The following NELL1 variants were observed in gnomAD, a reference collection of about 807,000 sequenced individuals.
NELL1 encodes the protein neural EGFL like 1.
NELL1 carries 76 observed loss-of-function variants against 107.4 expected under a neutral mutation model. The ratio of observed to expected loss-of-function variants is 0.71; its 90% CI spans 0.59 to 0.86. The LOEUF is 0.86. NELL1 is among the 40% of genes least tolerant of loss of function. NELL1 has a pLI of 0.00. For synonymous variants in NELL1, 353 were observed against 341.2 expected (o/e 1.03, Z -0.38); for missense variants, 1,024 against 1,005.5 (o/e 1.02, Z -0.25).
At chr11:20,781,280 G>C (rs927895669) in intron 2 of NELL1, among the ~76,000 whole-genome samples, 1 of 152,198 alleles carries the variant, frequency 6.6e-6, no homozygotes, top group Admixed American at 6.5e-5. Flanking sequence ...GGGTGTGACC[G>C]TTTACTAAGA....
At chr11:21,332,028 G>C (rs1050336102) in intron 14 of NELL1, among the ~76,000 whole-genome samples, 2 of 147,548 alleles carry the variant, frequency 1.4e-5, no homozygotes, top group Admixed American at 6.6e-5. Flanking sequence ...CTAGGGCTCA[G>C]TTAGTTCTAG....
At chr11:21,559,057 T>C (rs1188280275) in intron 16 of NELL1, among the ~76,000 whole-genome samples, 4 of 152,116 alleles carry the variant, frequency 2.6e-5, no homozygotes, top group Admixed American at 2.0e-4. Flanking sequence ...TAATGAAATG[T>C]CTTGACTAAA....
intron 15 of NELL1, among the ~76,000 whole-genome samples, chr11:21,514,672 A>G (rs533834123): frequency 6.8e-6 from 1 of 147,796 alleles, no homozygotes; most frequent in South Asian, 2.1e-4. Flanking sequence ...TGCCAAACGA[A>G]ATCACACAAT....
Position 21,399,298 on chromosome 11 carries a change from T to A in NELL1, c.1645+28350T>A, listed in dbSNP as rs182977286. On this transcript the variant is annotated intron_variant, in intron 15 of 19. Coordinates refer to ENST00000357134, the MANE Select transcript of NELL1 (RefSeq NM_006157.5). ...TCATTACTAGTATCTAGGCATTTTG[T>A]CAAGTTGTGTCGGTGGTTGACAATC... Among the ~76,000 whole-genome samples, 45 of 151,900 alleles carry A rather than the reference T, an allele frequency of 3.0e-4. No homozygotes were observed. In the East Asian group the frequency reaches 8.6e-3, roughly 29 times the overall value.
At chr11:20,714,364 C>A (rs551238995) in intron 2 of NELL1, among the ~76,000 whole-genome samples, 1 of 15,440 alleles carries the variant, frequency 6.5e-5, no homozygotes, top group African/African-American at 8.8e-5. Context: ...CCACCACGCC[C>A]GGCATTTTTT....
chr11:21,319,518 T>A (rs866744462), intron 14 of NELL1, among the ~76,000 whole-genome samples: 9 of 112,910 alleles, frequency 8.0e-5, no homozygotes, highest in East Asian at 2.9e-4. Context: ...ATATATATAT[T>A]TTTAGTAGAG....
intron 14 of NELL1, among the ~76,000 whole-genome samples, chr11:21,249,785 G>A (rs1305404959): frequency 6.6e-6 from 1 of 152,056 alleles, no homozygotes; most frequent in African/African-American, 2.4e-5. Flanking sequence ...TCACAGTAGA[G>A]GCCCAATTTT....
intron 15 of NELL1, among the ~76,000 whole-genome samples, chr11:21,472,853 C>CT (rs1854218849): frequency 6.6e-6 from 1 of 151,832 alleles, no homozygotes; most frequent in African/African-American, 2.4e-5. Context: ...CCTTCCTCTT[C>CT]TTTCCTTCCT....
At chr11:21,210,817 A>G (rs1339214057) in intron 13 of NELL1, among the ~76,000 whole-genome samples, 5 of 152,098 alleles carry the variant, frequency 3.3e-5, no homozygotes, top group Non-Finnish European at 7.4e-5. Flanking sequence ...TTCATTTTTA[A>G]GCTCTTCTCT....
intron 14 of NELL1, among the ~76,000 whole-genome samples, chr11:21,316,902 C>T (rs2133657854): frequency 6.6e-6 from 1 of 152,064 alleles, no homozygotes; most frequent in South Asian, 2.1e-4. Context: ...GATTCATAAG[C>T]ACAAAGGCTG....
At chr11:21,309,249 A>AATATATATATGTATATAT (rs1565160150) in intron 14 of NELL1, among the ~76,000 whole-genome samples, 24 of 101,936 alleles carry the variant, frequency 2.4e-4, no homozygotes, top group Admixed American at 1.4e-3. Context: ...ACCCACTCTA[A>AATATATATATGTATATAT]ATATATATAT....
At chr11:20,829,223 A>ATTTTTTT (rs758970966) in intron 3 of NELL1, among the ~76,000 whole-genome samples, 1 of 118,886 alleles carries the variant, frequency 8.4e-6, no homozygotes, top group African/African-American at 3.3e-5. Context: ...CTGCAGGACT[A>ATTTTTTT]TTTTTTTTTT....
intron 17 of NELL1, among the ~76,000 whole-genome samples, chr11:21,570,007 C>T (rs1564966244): frequency 6.6e-6 from 1 of 151,704 alleles, no homozygotes; most frequent in Non-Finnish European, 1.5e-5. Context: ...AAGCAACAGA[C>T]ATAAAAAAAA....
chr11:21,287,198 C>T (rs921813818), intron 14 of NELL1, among the ~76,000 whole-genome samples: 1 of 152,150 alleles, frequency 6.6e-6, no homozygotes, highest in African/African-American at 2.4e-5. Context: ...CTTATTCTAG[C>T]TCCTTTTTAT....
intron 12 of NELL1, among the ~76,000 whole-genome samples, chr11:21,008,215 G>T (rs750357980): frequency 3.9e-5 from 6 of 152,076 alleles, no homozygotes; most frequent in Non-Finnish European, 5.9e-5. Flanking sequence ...CATATGTGCA[G>T]ACTTGTCTAA....
chr11:20,856,358 G>A (rs1483152624), intron 4 of NELL1, among the ~76,000 whole-genome samples: 2 of 152,188 alleles, frequency 1.3e-5, no homozygotes, highest in Admixed American at 1.3e-4. Flanking sequence ...TAAAGGGCTT[G>A]TGTAATGGTG....
chr11:21,545,906 C>A (rs539430407), intron 16 of NELL1, among the ~76,000 whole-genome samples: 19 of 151,912 alleles, frequency 1.3e-4, no homozygotes. Context: ...ATCAGCAGCT[C>A]TGTGGGTAAG....
chr11:21,109,354 A>G (rs930439534), intron 12 of NELL1, among the ~76,000 whole-genome samples: 2 of 152,148 alleles, frequency 1.3e-5, no homozygotes, highest in African/African-American at 2.4e-5. Flanking sequence ...TCGTCCTTCC[A>G]GTACATGTCA....
intron 3 of NELL1, among the ~76,000 whole-genome samples, chr11:20,785,453 A>G (rs912545915): frequency 1.3e-5 from 2 of 152,248 alleles, no homozygotes; most frequent in Non-Finnish European, 2.9e-5. Flanking sequence ...GGCAAGTCTC[A>G]GCTTCACAAC....
Sources: gnomAD v4.1 joint callset for allele counts (sites outside exome capture counted in the v4.1 genomes callset) on GRCh38, gnomAD v4.1.1 for gene constraint, MANE v1.5 for transcripts, NCBI Gene and HGNC (gene_info 2026-07-23, HGNC 2026-07-21) for gene names.